SOX30: variants seen among roughly 807,000 people sequenced by gnomAD.
SOX30 encodes the protein SRY-box transcription factor 30.
SOX30 carries 17 observed loss-of-function variants against 58.6 expected under a neutral mutation model. The observed-to-expected ratio is 0.29, with a 90% CI of 0.20 to 0.44. SOX30 has a LOEUF of 0.44. Among genes scored for constraint, SOX30 ranks in the 20% least tolerant of loss-of-function variants. The probability of loss-of-function intolerance (pLI) is 1.00; values close to 1 mark genes in which losing one functional copy is unlikely to be tolerated. For synonymous variants in SOX30, 421 were observed against 400.2 expected (o/e 1.05, Z -0.62); for missense variants, 951 against 965.8 (o/e 0.98, Z 0.20).
intron 3 of SOX30, among the ~76,000 whole-genome samples, chr5:157,645,755 T>C (rs1759174238): frequency 2.6e-5 from 4 of 151,956 alleles, no homozygotes; most frequent in Admixed American, 2.6e-4. Context: ...GCGTGGTGGC[T>C]CACACCTGTA....
At chr5:157,634,750 C>T (rs1042616813) in intron 4 of SOX30, among the ~76,000 whole-genome samples, 2 of 152,030 alleles carry the variant, frequency 1.3e-5, no homozygotes, top group African/African-American at 2.4e-5. Context: ...CAAGTTCAAG[C>T]GATTCTCCTG....
At position 157,648,776 on chromosome 5, in the gene SOX30, T is replaced by C. The variant is rs139751808; in HGVS notation, c.1088A>G (p.Asn363Ser). 2.2e-5 allele frequency: 36 copies of C among 1,613,490 alleles called. No homozygotes were observed. In the African/African-American group the frequency reaches 3.3e-4, roughly 15 times the overall value. Residue 363 changes from asparagine (N) to serine (S), a missense_variant, in exon 2 of 5, where the codon AAC (asparagine) becomes AGC (serine). Asn to Ser is a conservative substitution (Grantham distance 46). Transcript: ENST00000265007. ...AAGCTGGACACTGATTTCTGCATTG[T>C]TGGCTGCTGGGTTAGCTTTGGCTAG... ...PALAKANPAA[N>S]NAEISVQLGL...
exon 2 of SOX30, chr5:157,667,818 C>A: frequency 6.5e-7 from 1 of 1,535,460 alleles, no homozygotes; most frequent in Non-Finnish European, 8.7e-7. Flanking sequence ...GCACAGTAGA[C>A]TTTGTTCCTT....
intron 3 of SOX30, among the ~76,000 whole-genome samples, chr5:157,643,104 A>G (rs938065245): frequency 3.4e-5 from 5 of 145,866 alleles, no homozygotes; most frequent in Non-Finnish European, 4.5e-5. Context: ...GAAAACGGAC[A>G]ACAACAACAA....
At chr5:157,646,883 T>A in intron 2 of SOX30, 67 bp from the exon 3 acceptor site, 1 of 1,185,600 alleles carries the variant, frequency 8.4e-7, no homozygotes, top group Non-Finnish European at 1.2e-6. Flanking sequence ...TTTTTCATAC[T>A]AAAATGCAAA....
chr5:157,630,566 G>A (rs971517899), intron 4 of SOX30, among the ~76,000 whole-genome samples: 26 of 151,910 alleles, frequency 1.7e-4, no homozygotes, highest in South Asian at 4.1e-4. Flanking sequence ...TTAGCTTAGC[G>A]GTCAGAAATT....
intron 1 of SOX30, among the ~76,000 whole-genome samples, chr5:157,668,912 C>T (rs954851661): frequency 1.3e-5 from 2 of 152,148 alleles, no homozygotes; most frequent in Non-Finnish European, 2.9e-5. Context: ...GGTACTGGAT[C>T]CCAGGATCCT....
intron 2 of SOX30, among the ~76,000 whole-genome samples, chr5:157,661,007 G>A (rs571659454): frequency 9.2e-5 from 14 of 152,080 alleles, no homozygotes; most frequent in Non-Finnish European, 1.9e-4. Context: ...TCAGTGTACT[G>A]TCCTGTACTT....
At chr5:157,635,460 C>A (rs1249593817) in intron 4 of SOX30, among the ~76,000 whole-genome samples, 1 of 151,964 alleles carries the variant, frequency 6.6e-6, no homozygotes, top group African/African-American at 2.4e-5. Flanking sequence ...CCCATCTCTA[C>A]TAAAAATACA....
At position 157,638,574 on chromosome 5, in the gene SOX30, G is replaced by A. The variant is rs1262555291; in HGVS notation, c.1536C>T (p.Arg512=). ...LPVYPALPPQ[R]FTGPSQTDTH... ...TGTCTGTTTGGGAAGGCCCAGTAAA[G>A]CGTTGGGGTGGGAGTGCTGGATAGA... The change falls in exon 4 of 5, where the codon CGC becomes CGT. Residue 512 remains arginine (R), a synonymous_variant. Coordinates refer to ENST00000265007, the MANE Select transcript of SOX30 (RefSeq NM_178424.2). The A allele has an allele frequency of 6.2e-6, 10 of 1,614,172 alleles. No individual in the cohort carries two copies. The South Asian group carries it at 7.7e-5, about 12-fold the overall frequency.
At chr5:157,666,592 C>T (rs1581410668) in intron 2 of SOX30, among the ~76,000 whole-genome samples, 1 of 151,790 alleles carries the variant, frequency 6.6e-6, no homozygotes, top group East Asian at 1.9e-4. Flanking sequence ...AGCATATTAA[C>T]ATTTATTGAG....
intron 4 of SOX30, among the ~76,000 whole-genome samples, chr5:157,630,989 T>A (rs1259371355): frequency 3.2e-5 from 4 of 123,692 alleles, no homozygotes; most frequent in African/African-American, 6.1e-5. Flanking sequence ...ATATATATAC[T>A]ATATATATTT....
chr5:157,641,732 C>T (rs1759068011), intron 3 of SOX30, among the ~76,000 whole-genome samples: 1 of 152,116 alleles, frequency 6.6e-6, no homozygotes, highest in African/African-American at 2.4e-5. Flanking sequence ...GCAGAGACTA[C>T]AAAAAAACTT....
Position 157,626,676 on chromosome 5 carries a change from C to T in SOX30, c.1926G>A (p.Pro642=), listed in dbSNP as rs897503671. The part of the protein sequence containing the change: ...SRPPFGYGNF[P]SSMPECLSYY... ...AACTAAGGCATTCTGGCATTGAACT[C>T]GGAAAATTTCCATAGCCAAAGGGAG... Residue 642 remains proline, a synonymous_variant, in exon 5 of 5, where the codon CCG becomes CCA. Coordinates refer to ENST00000265007, the MANE Select transcript of SOX30 (RefSeq NM_178424.2). The T allele has an allele frequency of 1.2e-5, 20 of 1,612,820 alleles. No homozygotes were observed. Among genetic ancestry groups the T allele is most frequent in the Non-Finnish European group, 1.4e-5 (17 of 1,179,616 alleles).
upstream of SOX30, among the ~76,000 whole-genome samples, chr5:157,656,934 GT>G (rs950202806): frequency 6.6e-6 from 1 of 152,132 alleles, no homozygotes; most frequent in Non-Finnish European, 1.5e-5. Context: ...AAAAGCACAA[GT>G]TTTTTTAGAG....
At chr5:157,649,860 T>C (rs942140732) in intron 1 of SOX30, among the ~76,000 whole-genome samples, 5 of 152,106 alleles carry the variant, frequency 3.3e-5, no homozygotes, top group African/African-American at 1.2e-4. Flanking sequence ...CCTTCATTCC[T>C]AGAACCTCTC....
At chr5:157,656,687 G>C (rs1208989152), upstream of SOX30, among the ~76,000 whole-genome samples, 1 of 152,190 alleles carries the variant, frequency 6.6e-6, no homozygotes, top group Non-Finnish European at 1.5e-5. Flanking sequence ...CTACACATAA[G>C]GTGTGTAAGG....
rs1430478782 is a variant in SOX30, at chr5:157,651,671, C to T, written c.408G>A (p.Lys136=). 1 of 1,609,446 alleles carries T rather than the reference C, an allele frequency of 6.2e-7. No homozygotes were observed. The highest frequency in any genetic ancestry group is 8.5e-7 in the Non-Finnish European group (1 of 1,178,670). The change falls in exon 1 of 5, where the codon AAG becomes AAA. Residue 136 remains lysine (K), a synonymous_variant. Transcript: ENST00000265007. ...TGGGCCCCAGCTTCTGCTTCTTGGC[C>T]TTGACATGCAGCGCCAGGGGCTGCA... The part of the protein sequence containing the change: ...HPVQPLALHV[K]AKKQKLGPSL...
chr5:157,630,627 T>A (rs1393790532), intron 4 of SOX30, among the ~76,000 whole-genome samples: 1 of 151,830 alleles, frequency 6.6e-6, no homozygotes, highest in Non-Finnish European at 1.5e-5. Flanking sequence ...CAAAACATAT[T>A]TTCCTGGTCT....
Sources: gnomAD v4.1 joint callset for allele counts (sites outside exome capture counted in the v4.1 genomes callset) on GRCh38, gnomAD v4.1.1 for gene constraint, MANE v1.5 for transcripts, NCBI Gene and HGNC (gene_info 2026-07-23, HGNC 2026-07-21) for gene names.